The following QRFPR variants were observed in gnomAD, a reference collection of about 807,000 sequenced individuals.
The protein encoded by QRFPR is pyroglutamylated RFamide peptide receptor, also known as pyroglutamylated RF-amide peptide receptor.
QRFPR carries 37 observed loss-of-function variants against 31.3 expected under a neutral mutation model. That is an observed-to-expected ratio of 1.18 (90% confidence interval 0.91 to 1.56). The LOEUF is 1.56. Ranked by LOEUF, QRFPR falls within the 40% of genes most tolerant of loss-of-function variation. The probability of loss-of-function intolerance (pLI) is 0.00; values close to 1 mark genes in which losing one functional copy is unlikely to be tolerated. For missense variants in QRFPR, 542 were observed against 532.5 expected, an observed-to-expected ratio of 1.02 and a Z score of -0.18; for synonymous variants, 197 against 192.0, an observed-to-expected ratio of 1.03 and a Z score of -0.22.
intron 2 of QRFPR, chr4:121,340,108 CAAAAAAAAAAA>C (rs58311512): frequency 8.0e-6 from 1 of 125,040 alleles, no homozygotes; most frequent in African/African-American, 4.3e-5. Flanking sequence ...CACTCTGTCT[CAAAAAAAAAAA>C]AAAAAAAAAA....
chr4:121,347,071 T>C (rs1725665817), intron 1 of QRFPR, among the ~76,000 whole-genome samples: 1 of 152,160 alleles, frequency 6.6e-6, no homozygotes, highest in Non-Finnish European at 1.5e-5. Context: ...TCCAATTCTG[T>C]TTTCTGGAAG....
intron 1 of QRFPR, among the ~76,000 whole-genome samples, chr4:121,347,012 A>C (rs1250867890): frequency 6.6e-6 from 1 of 152,130 alleles, no homozygotes; most frequent in Admixed American, 6.5e-5. Flanking sequence ...TCTCTGGTTT[A>C]AGTGTCAGGG....
chr4:121,376,978 A>C (rs1160443290), intron 1 of QRFPR, among the ~76,000 whole-genome samples: 4 of 152,214 alleles, frequency 2.6e-5, no homozygotes, highest in African/African-American at 9.7e-5. Flanking sequence ...AGAAAGAGGA[A>C]TGGACTGAAA....
chr4:121,348,667 T>C (rs1175737465), intron 1 of QRFPR, among the ~76,000 whole-genome samples: 1 of 152,214 alleles, frequency 6.6e-6, no homozygotes, highest in African/African-American at 2.4e-5. Context: ...TTATATATCT[T>C]AAAATGGCTG....
chr4:121,373,476 TC>T (rs1363675550), intron 1 of QRFPR, among the ~76,000 whole-genome samples: 9 of 152,222 alleles, frequency 5.9e-5, no homozygotes, highest in Non-Finnish European at 5.9e-5. Context: ...TTAATTTACA[TC>T]TTTTTTAATA....
At chr4:121,346,098 T>C (rs1725642748) in intron 1 of QRFPR, among the ~76,000 whole-genome samples, 1 of 152,238 alleles carries the variant, frequency 6.6e-6, no homozygotes, top group Admixed American at 6.5e-5. Context: ...AAAAACAATG[T>C]GAATAGACAC....
chr4:121,342,770 T>C (rs1219198990), intron 1 of QRFPR, among the ~76,000 whole-genome samples: 1 of 152,178 alleles, frequency 6.6e-6, no homozygotes, highest in Non-Finnish European at 1.5e-5. Context: ...TTAATAAATA[T>C]TCATTGAATT....
intron 4 of QRFPR, 23 bp from the exon 5 acceptor site, chr4:121,330,546 T>C: frequency 1.3e-6 from 2 of 1,579,586 alleles, no homozygotes; most frequent in Non-Finnish European, 1.7e-6. Context: ...GGAAACATTG[T>C]ATTAGTTAAC....
At chr4:121,344,594 T>C (rs1490584055) in intron 1 of QRFPR, among the ~76,000 whole-genome samples, 1 of 152,192 alleles carries the variant, frequency 6.6e-6, no homozygotes, top group Non-Finnish European at 1.5e-5. Context: ...AATAGGTACA[T>C]GCTCTTTTGC....
At chr4:121,375,079 C>T (rs766849634) in intron 1 of QRFPR, among the ~76,000 whole-genome samples, 47 of 152,296 alleles carry the variant, frequency 3.1e-4, no homozygotes, top group Non-Finnish European at 6.0e-4. Flanking sequence ...AAACACTCCC[C>T]ATTTCATCTT....
Position 121,329,097 on chromosome 4 carries a change from A to G in QRFPR, c.*217T>C, listed in dbSNP as rs1725269817. ...AGGCTAGTCAAGTGAAGCAGTGGGA[A>G]TGAGAAGGAACACAGAAATCTGTTA... On this transcript the variant is annotated 3_prime_UTR_variant, in exon 6 of 6. Transcript: ENST00000394427. 4 of 428,094 alleles carry G rather than the reference A, an allele frequency of 9.3e-6. No individual in the cohort carries two copies. The East Asian group carries it at 1.5e-4, about 16-fold the overall frequency. The allele number at this position is 428,094 out of a possible 1,614,324, so 26.5% of individuals were successfully genotyped here.
At chr4:121,336,350 T>A (rs1036229073) in intron 3 of QRFPR, among the ~76,000 whole-genome samples, 1 of 152,180 alleles carries the variant, frequency 6.6e-6, no homozygotes, top group African/African-American at 2.4e-5. Flanking sequence ...TCCTGATATG[T>A]TTCCAGTTAG....
At chr4:121,336,324 G>A (rs1725436240) in intron 3 of QRFPR, among the ~76,000 whole-genome samples, 1 of 152,180 alleles carries the variant, frequency 6.6e-6, no homozygotes, top group Admixed American at 6.5e-5. Flanking sequence ...AAGGAGAGAG[G>A]TTGATTAAGA....
intron 1 of QRFPR, among the ~76,000 whole-genome samples, chr4:121,351,815 T>G (rs367926055): frequency 2.8e-4 from 42 of 148,378 alleles, no homozygotes; most frequent in Non-Finnish European, 5.8e-4. Flanking sequence ...TCACCAAAGA[T>G]ACAACTCCGA....
chr4:121,340,825 T>C (rs573233752), intron 1 of QRFPR, among the ~76,000 whole-genome samples: 43 of 152,320 alleles, frequency 2.8e-4, no homozygotes, highest in African/African-American at 1.0e-3. Context: ...GCTATGCAAT[T>C]ATGTATAATA....
At chr4:121,380,063 G>A (rs1295255484) in intron 1 of QRFPR, among the ~76,000 whole-genome samples, 2 of 152,094 alleles carry the variant, frequency 1.3e-5, no homozygotes, top group East Asian at 1.9e-4. Context: ...GGAATCAGAG[G>A]CGGCCAAAAG....
Position 121,352,096 on chromosome 4 carries a change from G to T in QRFPR, c.341-11486C>A, listed in dbSNP as rs183803216. 5.3e-5 allele frequency among the ~76,000 whole-genome samples: 8 copies of T among 152,112 alleles called. No homozygotes were observed. In the South Asian group the frequency reaches 1.7e-3, roughly 32 times the overall value. On this transcript the variant is annotated intron_variant, in intron 1 of 5. Coordinates refer to ENST00000394427, the MANE Select transcript of QRFPR (RefSeq NM_198179.3). ...TGTGATCATCATAATTCTCTCTGGC[G>T]GTTGGAATAAATATTTTTTGTTTTC...
intron 1 of QRFPR, chr4:121,370,260 C>A: frequency 1.3e-6 from 1 of 782,654 alleles, no homozygotes; most frequent in East Asian, 2.4e-5. Flanking sequence ...GCTGAGTGCC[C>A]GGCGGTATAT....
chr4:121,353,875 T>C (rs911396851), intron 1 of QRFPR, among the ~76,000 whole-genome samples: 28 of 152,060 alleles, frequency 1.8e-4, no homozygotes, highest in African/African-American at 6.3e-4. Flanking sequence ...AATCCATTTT[T>C]GATTGATGTA....
Sources: gnomAD v4.1 joint callset for allele counts (sites outside exome capture counted in the v4.1 genomes callset) on GRCh38, gnomAD v4.1.1 for gene constraint, MANE v1.5 for transcripts, NCBI Gene and HGNC (gene_info 2026-07-23, HGNC 2026-07-21) for gene names.